The following ZNF667 variants were observed in gnomAD, a reference collection of about 807,000 sequenced individuals.
The protein encoded by ZNF667 is myocardial ischemic preconditioning upregulated 1 ortholog.
A neutral mutation model predicts 31.8 loss-of-function variants in ZNF667; 13 were observed. The observed-to-expected ratio is 0.41, with a 90% CI of 0.27 to 0.65. The LOEUF is 0.65. ZNF667 is among the 30% of genes least tolerant of loss of function. ZNF667 has a pLI of 0.32. For missense variants in ZNF667, 642 were observed against 725.6 expected (o/e 0.88, Z 1.32); for synonymous variants, 228 against 247.1 (o/e 0.92, Z 0.73).
In ZNF667 at chr19:56,463,228, G is replaced by T. The variant is rs1042344895; in HGVS notation, c.-59-799C>A. Reference sequence around the variant, plus strand: ...AGACAACATTTAACAAAAATTTGTGGCATGTCTATATGGTGGGTTAACTGT... The same window carrying T: ...AGACAACATTTAACAAAAATTTGTGTCATGTCTATATGGTGGGTTAACTGT... On this transcript the variant is annotated intron_variant, in intron 3 of 6. Coordinates refer to ENST00000504904, the MANE Select transcript of ZNF667 (RefSeq NM_001321356.2). Among the ~76,000 whole-genome samples the T allele has an allele frequency of 2.6e-5, 4 of 152,270 alleles. No individual in the cohort carries two copies. The Middle Eastern group carries it at 0.014, about 518-fold the overall frequency.
chr19:56,466,654 A>G (rs923115595), intron 3 of ZNF667, among the ~76,000 whole-genome samples: 4 of 152,228 alleles, frequency 2.6e-5, no homozygotes, highest in African/African-American at 9.6e-5. Context: ...TTACAGTATG[A>G]AAGTAGCCAC....
intron 6 of ZNF667, among the ~76,000 whole-genome samples, chr19:56,447,789 G>A (rs1015406543): frequency 6.6e-5 from 10 of 152,128 alleles, no homozygotes; most frequent in African/African-American, 2.4e-4. Context: ...GCTGGGGCAG[G>A]AGAATTGCAT....
At chr19:56,475,578 C>T (rs1392011080) in intron 1 of ZNF667, 1 of 152,150 alleles carries the variant, frequency 6.6e-6, no homozygotes, top group Non-Finnish European at 1.5e-5. Flanking sequence ...AAATAGAGCC[C>T]AGGGTTGCTG....
chr19:56,471,157 AC>A (rs898612900), intron 3 of ZNF667, among the ~76,000 whole-genome samples: 13 of 148,914 alleles, frequency 8.7e-5, no homozygotes, highest in South Asian at 4.3e-4. Flanking sequence ...GTGTAGCCCC[AC>A]CCCCCCTGCC....
intron 6 of ZNF667, 84 bp downstream of exon 6, chr19:56,458,071 T>C (rs1249013163): frequency 8.4e-7 from 1 of 1,190,324 alleles, no homozygotes; most frequent in Non-Finnish European, 1.2e-6. Context: ...AGATTTCTGG[T>C]GTTTGTAAGT....
rs763128613 is a variant in ZNF667 at position 56,457,404 on chromosome 19, G to A, written c.253+751C>T. Among the ~76,000 whole-genome samples, 5 of 152,140 alleles carry A rather than the reference G, an allele frequency of 3.3e-5. No homozygotes were observed. The South Asian group carries it at 1.0e-3, about 31-fold the overall frequency. ...TGGAAACAGGCAGAGGCTGTTTGGCGCTCTGAAGAGGGTCTGGGCCTCAAA... is the reference window on the plus strand; with the variant it reads ...TGGAAACAGGCAGAGGCTGTTTGGCACTCTGAAGAGGGTCTGGGCCTCAAA... On this transcript the variant is annotated intron_variant, in intron 6 of 6. Transcript: ENST00000504904.
At chr19:56,478,074 C>G (rs766034349), upstream of ZNF667, 1 of 152,380 alleles carries the variant, frequency 6.6e-6, no homozygotes, top group African/African-American at 2.4e-5. Flanking sequence ...TTGCGTGGCG[C>G]TCGGACTACA....
At chr19:56,468,184 C>T (rs1357128363) in intron 3 of ZNF667, 2 of 152,222 alleles carry the variant, frequency 1.3e-5, no homozygotes, top group African/African-American at 4.8e-5. Flanking sequence ...TTCAGGCAAA[C>T]CTGTTTCCCA....
chr19:56,456,945 C>T (rs12709959), intron 6 of ZNF667, among the ~76,000 whole-genome samples: 29,178 of 151,978 alleles, frequency 0.19, 3,012 homozygotes, highest in Middle Eastern at 0.29. Flanking sequence ...ATGCACGTGT[C>T]TTCTTTTTGC....
intron 6 of ZNF667, among the ~76,000 whole-genome samples, chr19:56,448,526 G>C (rs1309304649): frequency 6.6e-6 from 1 of 152,094 alleles, no homozygotes; most frequent in South Asian, 2.1e-4. Flanking sequence ...GGCCAAGAGA[G>C]TGTTTGTATC....
Position 56,442,353 on chromosome 19 carries a change from G to GGA in ZNF667, c.641_642insTC (p.Leu215ProfsTer6), listed in dbSNP as rs1174746863. The GGA allele has an allele frequency of 6.2e-7, 1 of 1,614,000 alleles. No homozygotes were observed. The highest frequency in any genetic ancestry group is 8.5e-7 in the Non-Finnish European group (1 of 1,179,972). On this transcript the variant is annotated frameshift_variant, in exon 7 of 7. Transcript: ENST00000504904. LOFTEE classifies it low-confidence loss of function (END_TRUNC). Reference sequence around the variant, plus strand: ...CATGAATTCTCATATGTAGAATAAGGGTTGTTCTTTGATTGAAGCTTTCCC... The same window carrying GGA: ...CATGAATTCTCATATGTAGAATAAGGGAGTTGTTCTTTGATTGAAGCTTTCCC...
At chr19:56,469,922 C>T in intron 3 of ZNF667, 1 of 493,270 alleles carries the variant, frequency 2.0e-6, no homozygotes, top group Middle Eastern at 3.2e-4. Context: ...ACCCACTAAA[C>T]CGGGGTAGGG....
intron 6 of ZNF667, among the ~76,000 whole-genome samples, chr19:56,446,548 A>G (rs1247614341): frequency 6.6e-6 from 1 of 152,186 alleles, no homozygotes; most frequent in Non-Finnish European, 1.5e-5. Context: ...TATGCCACAC[A>G]TAGTATATGA....
At chr19:56,458,133 G>C (rs1436800028) in intron 6 of ZNF667, 22 bp downstream of exon 6, 4 of 1,605,006 alleles carry the variant, frequency 2.5e-6, no homozygotes, top group Non-Finnish European at 3.4e-6. Flanking sequence ...TGAGACATAT[G>C]CCTTGGTTCT....
chr19:56,449,128 G>T, intron 6 of ZNF667: 1 of 199,876 alleles, frequency 5.0e-6, no homozygotes, highest in Non-Finnish European at 1.1e-5. Context: ...TGCAAACATG[G>T]CTGCAGTGAA....
At position 56,441,540 on chromosome 19, in the gene ZNF667, A is replaced by T; in HGVS notation, c.1455T>A (p.Ser485=). The change falls in exon 7 of 7, where the codon TCT becomes TCA. Residue 485 remains serine, a synonymous_variant. Coordinates refer to ENST00000504904, the MANE Select transcript of ZNF667 (RefSeq NM_001321356.2). This position sits in a 1 kb window ranked among gnomAD's most constrained non-coding sequence, Gnocchi z 4.2. ...ECGKAFSHRI[S]LTRHKRIHTE... The stretch of plus-strand genomic sequence containing the variant: ...TATGAATTCTCTTATGTCGTGTGAG[A>T]GATATTCGGTGGCTGAAGGCTTTTC... 1 of 1,614,192 alleles carries T rather than the reference A, an allele frequency of 6.2e-7. No individual in the cohort carries two copies. Among genetic ancestry groups the T allele is most frequent in the Middle Eastern group, 1.6e-4 (1 of 6,062 alleles).
chr19:56,469,971 G>C, intron 3 of ZNF667: 1 of 483,710 alleles, frequency 2.1e-6, no homozygotes. Flanking sequence ...TCTTCACAGC[G>C]GAAACACATT....
chr19:56,455,991 C>T (rs1044654756), intron 6 of ZNF667, among the ~76,000 whole-genome samples: 5 of 152,154 alleles, frequency 3.3e-5, no homozygotes, highest in African/African-American at 1.2e-4. Context: ...GACAGGAGAT[C>T]CTAGGCAAGT....
chr19:56,446,503 T>G (rs776708617), intron 6 of ZNF667, among the ~76,000 whole-genome samples: 2 of 152,204 alleles, frequency 1.3e-5, no homozygotes, highest in Non-Finnish European at 2.9e-5. Flanking sequence ...ATGTGTTTGA[T>G]TTTGGGGTAC....
Sources: gnomAD v4.1 joint callset for allele counts (sites outside exome capture counted in the v4.1 genomes callset) on GRCh38, gnomAD v4.1.1 for gene constraint, Gnocchi (gnomAD v3.1) non-coding constraint, MANE v1.5 for transcripts, NCBI Gene and HGNC (gene_info 2026-07-23, HGNC 2026-07-21) for gene names.